The following DDAH1 variants were observed in gnomAD, a reference collection of about 807,000 sequenced individuals.
The protein encoded by DDAH1 is N(G),N(G)-dimethylarginine dimethylaminohydrolase 1.
DDAH1 carries 19 observed loss-of-function variants against 28.8 expected under a neutral mutation model. The ratio of observed to expected loss-of-function variants is 0.66; its 90% CI spans 0.46 to 0.97. The LOEUF is 0.97. Among genes scored for constraint, DDAH1 ranks in the 50% least tolerant of loss-of-function variants. The pLI is 0.00. For synonymous variants in DDAH1, 153 were observed against 154.4 expected (o/e 0.99, Z 0.07); for missense variants, 326 against 375.9 (o/e 0.87, Z 1.10).
chr1:85,399,693 A>G (rs1651978936), intron 1 of DDAH1: 1 of 152,266 alleles, frequency 6.6e-6, no homozygotes, highest in Non-Finnish European at 1.5e-5. Flanking sequence ...TCAATCTTCA[A>G]TCAGTAGGAT....
chr1:85,385,913 G>A (rs76685028), intron 1 of DDAH1, among the ~76,000 whole-genome samples: 5,459 of 152,150 alleles, frequency 0.036, 333 homozygotes, highest in African/African-American at 0.12. Flanking sequence ...GAGATCACAT[G>A]GTGAGAGAGA....
At chr1:85,510,390 A>G (rs1022053541) in intron 1 of DDAH1, among the ~76,000 whole-genome samples, 1 of 152,250 alleles carries the variant, frequency 6.6e-6, no homozygotes, top group African/African-American at 2.4e-5. Context: ...AGCTGCTGCA[A>G]AAACATGCCA....
intron 1 of DDAH1, chr1:85,577,893 C>G: frequency 1.2e-6 from 1 of 852,630 alleles, no homozygotes; most frequent in Non-Finnish European, 1.4e-6. Context: ...CAAGGCAGTC[C>G]GTTATTTCCT....
intron 1 of DDAH1, among the ~76,000 whole-genome samples, chr1:85,539,967 T>C (rs1182453311): frequency 1.3e-5 from 2 of 151,972 alleles, no homozygotes; most frequent in Non-Finnish European, 2.9e-5. Flanking sequence ...AAAGTAGGTA[T>C]TATACCATAT....
At chr1:85,388,777 C>T (rs1356230919) in intron 1 of DDAH1, among the ~76,000 whole-genome samples, 1 of 152,188 alleles carries the variant, frequency 6.6e-6, no homozygotes, top group Non-Finnish European at 1.5e-5. Context: ...GTGTCACCTT[C>T]ACTGTGCTCC....
chr1:85,392,790 TAAAAAAAAAAAAA>T (rs11314404), intron 1 of DDAH1, among the ~76,000 whole-genome samples: 1 of 109,450 alleles, frequency 9.1e-6, no homozygotes, highest in African/African-American at 3.4e-5. Flanking sequence ...AGACTCTGTC[TAAAAAAAAAAAAA>T]AAAAAAAAAA....
intron 1 of DDAH1, among the ~76,000 whole-genome samples, chr1:85,430,377 T>C (rs1653617299): frequency 6.6e-6 from 1 of 152,246 alleles, no homozygotes; most frequent in African/African-American, 2.4e-5. Context: ...GTCTTGGCTA[T>C]ATGGGCTCTG....
rs71727580 is a variant in DDAH1, at chr1:85,415,005, CTTTTTTTTTTTT to C, written c.303+49726_303+49737del. ...CGAAAATCAAATATTTCAAGTGTTG[CTTTTTTTTTTTT>C]TTTTTTTTTTTTTTTGAGATGGAGT... On this transcript the variant is annotated intron_variant, in intron 1 of 5. Transcript: ENST00000284031. Among the ~76,000 whole-genome samples the C allele has an allele frequency of 5.7e-3, 331 of 57,618 alleles. 3 individuals carry two copies. The highest frequency in any genetic ancestry group is 8.2e-3 in the Non-Finnish European group (255 of 31,056). The allele number at this position is 57,618 out of a possible 152,430, so 37.8% of individuals were successfully genotyped here.
At chr1:85,553,903 G>A (rs1190481759) in intron 1 of DDAH1, among the ~76,000 whole-genome samples, 3 of 152,168 alleles carry the variant, frequency 2.0e-5, no homozygotes, top group African/African-American at 7.2e-5. Flanking sequence ...CTCCATGGAG[G>A]GACTTTCTGG....
At chr1:85,447,344 G>A (rs1654481673) in intron 1 of DDAH1, among the ~76,000 whole-genome samples, 1 of 152,154 alleles carries the variant, frequency 6.6e-6, no homozygotes, top group South Asian at 2.1e-4. Flanking sequence ...ATTTTAAGTT[G>A]AGAAACTGGA....
At chr1:85,357,861 C>T (rs948019230) in intron 2 of DDAH1, among the ~76,000 whole-genome samples, 3 of 152,162 alleles carry the variant, frequency 2.0e-5, no homozygotes, top group African/African-American at 7.2e-5. Flanking sequence ...AGGTTAAATG[C>T]TAAAATTACT....
intron 1 of DDAH1, chr1:85,399,579 T>C (rs1232117393): frequency 6.6e-6 from 1 of 152,254 alleles, no homozygotes; most frequent in Non-Finnish European, 1.5e-5. Context: ...AATGGAGTTA[T>C]CCATGCTGAA....
chr1:85,369,083 C>G (rs527336249), intron 1 of DDAH1, among the ~76,000 whole-genome samples: 1 of 113,726 alleles, frequency 8.8e-6, no homozygotes, highest in Admixed American at 1.2e-4. Context: ...TTTTTTGAGA[C>G]AGGGTCTCAC....
intron 2 of DDAH1, among the ~76,000 whole-genome samples, chr1:85,471,906 C>G (rs1268600467): frequency 1.3e-5 from 2 of 152,172 alleles, no homozygotes; most frequent in African/African-American, 4.8e-5. Context: ...GCTCAGAAAA[C>G]AATGCCCCAA....
intron 4 of DDAH1, among the ~76,000 whole-genome samples, chr1:85,331,140 T>G (rs968352402): frequency 6.6e-6 from 1 of 152,202 alleles, no homozygotes; most frequent in African/African-American, 2.4e-5. Flanking sequence ...GCATGGCAAG[T>G]TGCATTAACA....
intron 1 of DDAH1, among the ~76,000 whole-genome samples, chr1:85,573,774 T>C (rs528710105): frequency 1.3e-3 from 205 of 152,346 alleles, no homozygotes; most frequent in African/African-American, 4.2e-3. Flanking sequence ...CCAATTTTCT[T>C]AATAGGTTAT....
intron 4 of DDAH1, among the ~76,000 whole-genome samples, chr1:85,345,183 G>T (rs1162879807): frequency 2.0e-5 from 3 of 152,146 alleles, no homozygotes; most frequent in Admixed American, 2.0e-4. Context: ...GTGCATGAAA[G>T]AATAGAATAT....
intron 1 of DDAH1, among the ~76,000 whole-genome samples, chr1:85,370,304 G>C (rs1650314553): frequency 6.6e-6 from 1 of 152,202 alleles, no homozygotes. Context: ...CAGACTGCTA[G>C]CCTCCAGCAT....
chr1:85,390,303 C>A (rs1651483943), intron 1 of DDAH1, among the ~76,000 whole-genome samples: 2 of 152,340 alleles, frequency 1.3e-5, no homozygotes, highest in South Asian at 4.1e-4. Flanking sequence ...TAGAACTGAA[C>A]ACAGCCTGAT....
Sources: allele counts gnomAD v4.1 joint callset (sites outside exome capture counted in the v4.1 genomes callset), GRCh38; gene constraint gnomAD v4.1.1; transcripts MANE v1.5; gene names NCBI Gene and HGNC (gene_info 2026-07-23, HGNC 2026-07-21).